Variants in ANXA8 observed in about 807,000 individuals in gnomAD.
ANXA8 encodes the protein VAC-beta.
A neutral mutation model predicts 26.8 loss-of-function variants in ANXA8; 9 were observed. That is an observed-to-expected ratio of 0.34 (90% CI 0.20 to 0.59). The LOEUF is 0.59. ANXA8 is among the 20% of genes least tolerant of loss of function. ANXA8 has a pLI of 0.84. For missense variants in ANXA8, 83 were observed against 238.5 expected (o/e 0.35, Z 4.29); for synonymous variants, 39 against 94.8 (o/e 0.41, Z 3.42).
chr10:47,955,245 G>A, the ANXA8 span, among the ~76,000 whole-genome samples: 5 of 148,942 alleles, frequency 3.4e-5, no homozygotes, highest in Non-Finnish European at 5.9e-5. Flanking sequence ...GGCCTCCCCA[G>A]CCACCTGGAA....
chr10:47,679,521 G>A, the ANXA8 span, among the ~76,000 whole-genome samples: 1 of 152,012 alleles, frequency 6.6e-6, no homozygotes, highest in Admixed American at 6.5e-5. Flanking sequence ...AGGCTGAGGT[G>A]GGAGGATTGC....
chr10:47,586,873 G>T, the ANXA8 span, among the ~76,000 whole-genome samples: 13 of 146,190 alleles, frequency 8.9e-5, 2 homozygotes, highest in African/African-American at 3.1e-4. Context: ...TTGAGCAGGG[G>T]GTCACTGAAC....
chr10:47,673,625 C>A, the ANXA8 span, among the ~76,000 whole-genome samples: 2 of 151,668 alleles, frequency 1.3e-5, no homozygotes, highest in African/African-American at 4.9e-5. Context: ...CTGACCGTGG[C>A]GCTTAATGCA....
At chr10:47,596,422 AC>A in the ANXA8 span, among the ~76,000 whole-genome samples, 3 of 133,558 alleles carry the variant, frequency 2.2e-5, no homozygotes, top group African/African-American at 9.5e-5. Flanking sequence ...AAAAGAAATA[AC>A]AAAAATAAGA....
At chr10:47,955,129 G>A in the ANXA8 span, among the ~76,000 whole-genome samples, 1 of 148,940 alleles carries the variant, frequency 6.7e-6, no homozygotes, top group Admixed American at 6.7e-5. Flanking sequence ...CTCATGAGAT[G>A]TGATGGTATT....
chr10:47,621,982 G>T, the ANXA8 span, among the ~76,000 whole-genome samples: 1 of 107,354 alleles, frequency 9.3e-6, no homozygotes, highest in African/African-American at 3.8e-5. Flanking sequence ...AGACGTGGGG[G>T]AATATTTACC....
At chr10:47,702,086 T>C in the ANXA8 span, among the ~76,000 whole-genome samples, 1 of 150,004 alleles carries the variant, frequency 6.7e-6, no homozygotes, top group East Asian at 2.0e-4. Flanking sequence ...AAGCTGGATT[T>C]CTCACTGTTG....
At chr10:47,937,858 A>T in the ANXA8 span, among the ~76,000 whole-genome samples, 2 of 123,470 alleles carry the variant, frequency 1.6e-5, no homozygotes, top group Non-Finnish European at 3.3e-5. Context: ...ACATGATCTC[A>T]TTCTTTTTTA....
At chr10:47,681,092 GT>G in the ANXA8 span, among the ~76,000 whole-genome samples, 1 of 151,528 alleles carries the variant, frequency 6.6e-6, no homozygotes, top group African/African-American at 2.4e-5. Flanking sequence ...TGTAAACTCT[GT>G]TTTCTAGGGG....
At chr10:47,640,098 G>C in the ANXA8 span, among the ~76,000 whole-genome samples, 4 of 134,814 alleles carry the variant, frequency 3.0e-5, no homozygotes, top group East Asian at 2.4e-4. Flanking sequence ...AGCTGAGAAG[G>C]CTTTTTATTA....
chr10:47,920,232 A>G, the ANXA8 span, among the ~76,000 whole-genome samples: 2 of 91,594 alleles, frequency 2.2e-5, no homozygotes, highest in Admixed American at 1.1e-4. Context: ...TGACCAAATG[A>G]GACTCTTTTT....
the ANXA8 span, among the ~76,000 whole-genome samples, chr10:47,589,903 T>TGATAGATAGATA: frequency 5.1e-3 from 639 of 125,702 alleles, 12 homozygotes; most frequent in East Asian, 6.1e-3. Context: ...GATAGATAGA[T>TGATAGATAGATA]GATAGATAGA....
the ANXA8 span, among the ~76,000 whole-genome samples, chr10:47,923,757 C>T: frequency 2.8e-4 from 13 of 46,836 alleles, 3 homozygotes; most frequent in East Asian, 3.4e-3. Flanking sequence ...TGGAAATCAG[C>T]CTGCAAGTTC....
chr10:47,916,602 A>T, the ANXA8 span, among the ~76,000 whole-genome samples: 1 of 131,954 alleles, frequency 7.6e-6, no homozygotes, highest in African/African-American at 2.6e-5. Context: ...TGGGATGATC[A>T]TACCACACCA....
chr10:47,681,633 G>T, the ANXA8 span, among the ~76,000 whole-genome samples: 61 of 126,898 alleles, frequency 4.8e-4, no homozygotes, highest in African/African-American at 1.6e-3. Context: ...CCAGGCTCAG[G>T]TGATCCTTTC....
At chr10:47,772,526 A>C in the ANXA8 span, among the ~76,000 whole-genome samples, 1 of 152,102 alleles carries the variant, frequency 6.6e-6, no homozygotes, top group Non-Finnish European at 1.5e-5. Flanking sequence ...ATAATGGGAG[A>C]CTGGTTGAAG....
the ANXA8 span, among the ~76,000 whole-genome samples, chr10:47,958,897 C>T: frequency 1.1e-4 from 17 of 149,334 alleles, no homozygotes; most frequent in East Asian, 1.4e-3. Context: ...CCAATTACCT[C>T]CATCTATCTA....
At chr10:47,719,923 A>C in the ANXA8 span, 2 of 1,486,062 alleles carry the variant, frequency 1.3e-6, 1 homozygote, top group Non-Finnish European at 1.8e-6. Context: ...AGTTCTCTGA[A>C]GAGTATTTTT....
chr10:47,573,320 G>A, the ANXA8 span, among the ~76,000 whole-genome samples: 3 of 150,290 alleles, frequency 2.0e-5, no homozygotes, highest in African/African-American at 5.0e-5. Flanking sequence ...TAATCAAGAT[G>A]GGATCTCACT....
Sources: allele counts gnomAD v4.1 joint callset (sites outside exome capture counted in the v4.1 genomes callset), GRCh38; gene constraint gnomAD v4.1.1; transcripts MANE v1.5; gene names NCBI Gene and HGNC (gene_info 2026-07-23, HGNC 2026-07-21).